STPG2: variants seen among roughly 807,000 people sequenced by gnomAD.
The protein encoded by STPG2 is sperm tail PG-rich repeat containing 2.
STPG2 carries 56 observed loss-of-function variants against 54.2 expected under a neutral mutation model. The observed-to-expected ratio is 1.03, with a 90% CI of 0.83 to 1.29. The LOEUF (loss-of-function observed/expected upper bound fraction) is 1.29. STPG2 is among the 50% of genes most tolerant of loss of function. The pLI, the probability that STPG2 is intolerant of heterozygous loss-of-function variation, is 0.00. For missense variants in STPG2, 596 were observed against 544.9 expected (o/e 1.09, Z -0.93); for synonymous variants, 200 against 181.8 (o/e 1.10, Z -0.81).
At chr4:97,696,387 A>C (rs1578487699) in intron 10 of STPG2, among the ~76,000 whole-genome samples, 4 of 152,250 alleles carry the variant, frequency 2.6e-5, no homozygotes, top group African/African-American at 9.6e-5. Context: ...GATGGATCAA[A>C]GTCTTGAATC....
chr4:98,044,518 A>G (rs1737065899), intron 5 of STPG2, among the ~76,000 whole-genome samples: 1 of 152,106 alleles, frequency 6.6e-6, no homozygotes, highest in Non-Finnish European at 1.5e-5. Context: ...ACCTGCCTTC[A>G]CTGAAATATA....
chr4:98,134,652 A>G (rs1470417423), intron 1 of STPG2, among the ~76,000 whole-genome samples, 193 bp from the exon 2 acceptor site: 1 of 151,198 alleles, frequency 6.6e-6, no homozygotes, highest in Non-Finnish European at 1.5e-5. Flanking sequence ...TATATTAAAT[A>G]TAAGAACCTA....
intron 4 of STPG2, among the ~76,000 whole-genome samples, chr4:97,458,401 A>G (rs1729579800): frequency 6.6e-6 from 1 of 152,322 alleles, no homozygotes; most frequent in Admixed American, 6.5e-5. Context: ...AATCAATACA[A>G]TGTTAAAGAG....
chr4:97,812,253 T>C (rs186437205), intron 9 of STPG2, among the ~76,000 whole-genome samples: 8 of 152,194 alleles, frequency 5.3e-5, no homozygotes, highest in African/African-American at 1.9e-4. Context: ...TACAATGGCC[T>C]AAGATTCAAA....
chr4:97,886,866 G>T (rs974766725), intron 8 of STPG2, among the ~76,000 whole-genome samples: 24 of 152,290 alleles, frequency 1.6e-4, no homozygotes, highest in South Asian at 6.2e-4. Flanking sequence ...TCCCCTCAGT[G>T]CTGTTCTGGT....
chr4:97,956,084 AAAT>A (rs1733661318), intron 7 of STPG2, among the ~76,000 whole-genome samples: 3 of 152,162 alleles, frequency 2.0e-5, no homozygotes, highest in Non-Finnish European at 1.5e-5. Context: ...CCACACAACA[AAAT>A]AATAATATTC....
chr4:97,607,521 T>C (rs1196927048), intron 10 of STPG2, among the ~76,000 whole-genome samples: 1 of 152,024 alleles, frequency 6.6e-6, no homozygotes, highest in African/African-American at 2.4e-5. Flanking sequence ...CCTCACTCCA[T>C]CCATTTAGAG....
chr4:98,142,877 C>A (rs548779037), intron 1 of STPG2, among the ~76,000 whole-genome samples, 165 bp downstream of exon 1: 1 of 152,358 alleles, frequency 6.6e-6, no homozygotes, highest in Admixed American at 6.5e-5. Context: ...CTATCAGTCT[C>A]ATCTGTAAAA....
intron 8 of STPG2, among the ~76,000 whole-genome samples, chr4:97,897,044 C>A (rs1266982849): frequency 1.3e-5 from 2 of 151,858 alleles, no homozygotes; most frequent in African/African-American, 4.8e-5. Context: ...TATTCCTGAT[C>A]CTCTCCCTCC....
intron 9 of STPG2, among the ~76,000 whole-genome samples, chr4:97,789,786 C>T (rs1229796064): frequency 2.0e-5 from 3 of 152,214 alleles, no homozygotes; most frequent in South Asian, 4.1e-4. Flanking sequence ...TCGTGGAAAA[C>T]GTCAGCCAAC....
chr4:97,948,443 T>C (rs1733332929), intron 7 of STPG2, among the ~76,000 whole-genome samples: 1 of 152,130 alleles, frequency 6.6e-6, no homozygotes, highest in East Asian at 1.9e-4. Context: ...TCTTTGTTAC[T>C]TCTTTTCTTC....
chr4:97,698,367 A>G (rs1408277704), intron 10 of STPG2, among the ~76,000 whole-genome samples: 1 of 152,114 alleles, frequency 6.6e-6, no homozygotes, highest in African/African-American at 2.4e-5. Context: ...GACTGATTTC[A>G]TCTTGATAAT....
chr4:97,801,781 T>A (rs915582362), intron 9 of STPG2, among the ~76,000 whole-genome samples: 3 of 152,168 alleles, frequency 2.0e-5, no homozygotes, highest in African/African-American at 7.2e-5. Context: ...ATTCTCAGTT[T>A]TGCACTAGTC....
At chr4:97,730,183 G>A (rs1302646040) in intron 9 of STPG2, among the ~76,000 whole-genome samples, 2 of 152,044 alleles carry the variant, frequency 1.3e-5, no homozygotes, top group Non-Finnish European at 2.9e-5. Flanking sequence ...ATTCCCCAGT[G>A]TCTACTGACC....
At chr4:97,871,184 T>G (rs1004788824) in intron 8 of STPG2, among the ~76,000 whole-genome samples, 1 of 150,536 alleles carries the variant, frequency 6.6e-6, no homozygotes, top group Non-Finnish European at 1.5e-5. Flanking sequence ...TCTTAAAAAC[T>G]CAATTAAAGG....
intron 10 of STPG2, among the ~76,000 whole-genome samples, chr4:97,665,358 G>T (rs1413130947): frequency 6.6e-6 from 1 of 152,180 alleles, no homozygotes; most frequent in Admixed American, 6.5e-5. Flanking sequence ...TTGAGCAATA[G>T]AACAGCTCAG....
chr4:97,720,621 T>C (rs908948117), intron 9 of STPG2, among the ~76,000 whole-genome samples: 3 of 152,008 alleles, frequency 2.0e-5, no homozygotes, highest in East Asian at 1.9e-4. Context: ...ATAAGCATAG[T>C]TGATAAATTT....
intron 10 of STPG2, among the ~76,000 whole-genome samples, chr4:97,611,460 C>T (rs1395048478): frequency 6.6e-6 from 1 of 151,570 alleles, no homozygotes; most frequent in Non-Finnish European, 1.5e-5. Flanking sequence ...AAGACTATAC[C>T]AAAAGCAAGT....
chr4:98,069,223 G>A (rs1450684993), intron 5 of STPG2, among the ~76,000 whole-genome samples: 1 of 151,960 alleles, frequency 6.6e-6, no homozygotes, highest in Non-Finnish European at 1.5e-5. Context: ...GGAGAATTTG[G>A]TGTTCCACAT....
Sources: gnomAD v4.1 joint callset for allele counts (sites outside exome capture counted in the v4.1 genomes callset) on GRCh38, gnomAD v4.1.1 for gene constraint, MANE v1.5 for transcripts, NCBI Gene and HGNC (gene_info 2026-07-23, HGNC 2026-07-21) for gene names.